Variants in RAD54B observed in about 807,000 individuals in gnomAD.
RAD54B encodes the protein DNA repair and recombination protein RAD54B.
RAD54B carries 78 observed loss-of-function variants against 95.8 expected under a neutral mutation model. That is an observed-to-expected ratio of 0.81 (90% CI 0.68 to 0.98). The LOEUF is 0.98. RAD54B is among the 50% of genes least tolerant of loss of function. The pLI, the probability that RAD54B is intolerant of heterozygous loss-of-function variation, is 0.00. For synonymous variants in RAD54B, 328 were observed against 354.9 expected, an observed-to-expected ratio of 0.92 and a Z score of 0.85; for missense variants, 957 against 1,056.6, an observed-to-expected ratio of 0.91 and a Z score of 1.31.
At position 94,400,407 on chromosome 8, in the gene RAD54B, A is replaced by C. The variant is rs752037673; in HGVS notation, c.1001T>G (p.Leu334Trp). ...LADEMGLGKTLQCISLIWTLQ... is the reference protein window; with the variant it reads ...LADEMGLGKTWQCISLIWTLQ... ...GGTCCAGATGAGCGAAATACATTGC[A>C]ATGTCTTCCCTAAACCCATTTCATC... Residue 334 changes from leucine (L) to tryptophan (W), a missense_variant, in exon 7 of 15, where the codon TTG becomes TGG. By Grantham distance (61) the Leu-to-Trp change is moderately conservative. Coordinates refer to ENST00000336148, the MANE Select transcript of RAD54B (RefSeq NM_012415.3). 3.1e-6 allele frequency: 5 copies of C among 1,613,614 alleles called. No homozygotes were observed. Among genetic ancestry groups the C allele is most frequent in the Admixed American group, 1.7e-5 (1 of 59,900 alleles).
At chr8:94,442,388 T>C (rs10105255) in intron 3 of RAD54B, among the ~76,000 whole-genome samples, 4,024 of 152,062 alleles carry the variant, frequency 0.026, 138 homozygotes, top group African/African-American at 0.083. Context: ...CTGGCTAACA[T>C]GGTGAAACCC....
chr8:94,464,458 G>A (rs1287982048), intron 2 of RAD54B, among the ~76,000 whole-genome samples: 2 of 152,162 alleles, frequency 1.3e-5, no homozygotes, highest in Non-Finnish European at 2.9e-5. Flanking sequence ...TTGAACTTTT[G>A]ACCTACAGAA....
chr8:94,469,874 A>G (rs947359056), intron 1 of RAD54B, among the ~76,000 whole-genome samples: 3 of 152,258 alleles, frequency 2.0e-5, no homozygotes, highest in Admixed American at 2.0e-4. Context: ...TTTTTAAAAT[A>G]TAAATCAAGA....
At chr8:94,381,197 C>G (rs1810730598) in intron 11 of RAD54B, among the ~76,000 whole-genome samples, 2 of 152,128 alleles carry the variant, frequency 1.3e-5, no homozygotes. Context: ...CTGCCAACTA[C>G]TAGAATACCA....
intron 4 of RAD54B, among the ~76,000 whole-genome samples, chr8:94,408,484 A>T (rs559966161): frequency 6.6e-6 from 1 of 152,292 alleles, no homozygotes; most frequent in African/African-American, 2.4e-5. Flanking sequence ...TGTGTATACC[A>T]GAAACTTTTA....
At chr8:94,443,882 T>C (rs1812457095) in intron 3 of RAD54B, among the ~76,000 whole-genome samples, 1 of 152,008 alleles carries the variant, frequency 6.6e-6, no homozygotes, top group African/African-American at 2.4e-5. Context: ...TCATTACACA[T>C]TGTATGCATA....
chr8:94,442,411 T>A (rs1812419716), intron 3 of RAD54B, among the ~76,000 whole-genome samples: 1 of 151,858 alleles, frequency 6.6e-6, no homozygotes. Flanking sequence ...TCTCTACTAC[T>A]AAAAATACAA....
At chr8:94,382,436 T>C (rs1339669217) in intron 11 of RAD54B, among the ~76,000 whole-genome samples, 4 of 152,108 alleles carry the variant, frequency 2.6e-5, no homozygotes, top group Admixed American at 2.6e-4. Flanking sequence ...ACAAGGGAAG[T>C]TGTCAGTCAA....
intron 3 of RAD54B, among the ~76,000 whole-genome samples, chr8:94,422,173 G>A (rs1001325905): frequency 1.3e-5 from 2 of 152,008 alleles, no homozygotes; most frequent in South Asian, 4.1e-4. Context: ...AACTTATAAA[G>A]TCCTGAGAGT....
intron 14 of RAD54B, among the ~76,000 whole-genome samples, chr8:94,373,636 C>A (rs1810493894): frequency 6.6e-6 from 1 of 152,162 alleles, no homozygotes; most frequent in South Asian, 2.1e-4. Context: ...ACCTGTTACA[C>A]AAATGAGAAA....
At chr8:94,437,508 C>A (rs1490515078) in intron 3 of RAD54B, among the ~76,000 whole-genome samples, 1 of 152,164 alleles carries the variant, frequency 6.6e-6, no homozygotes, top group Admixed American at 6.5e-5. Flanking sequence ...CACAGTAAAG[C>A]TAAGCTTCTC....
intron 1 of RAD54B, among the ~76,000 whole-genome samples, chr8:94,473,210 C>A (rs1813210096): frequency 6.6e-6 from 1 of 152,152 alleles, no homozygotes; most frequent in Non-Finnish European, 1.5e-5. Context: ...AGAAATAAAG[C>A]CATTTGGTAG....
At chr8:94,397,267 G>A (rs1811170162) in intron 8 of RAD54B, among the ~76,000 whole-genome samples, 1 of 152,040 alleles carries the variant, frequency 6.6e-6, no homozygotes, top group Admixed American at 6.6e-5. Context: ...TTCATAATAA[G>A]GAACAAATCA....
chr8:94,407,582 C>T lies in RAD54B; in HGVS notation c.638G>A (p.Gly213Glu), dbSNP rs1811423465. ...AGAAGAATGCGAGATAGCAGTACTT[C>T]CTCCTCCAAGCTGAAAACACCTGCC... ...SSGRCFQLGG[G>E]STAISHSSQV... Residue 213 changes from glycine (G) to glutamate (E), a missense_variant, in exon 5 of 15, where the codon GGA becomes GAA. By Grantham distance (98) the Gly-to-Glu change is moderately conservative. Transcript: ENST00000336148. The T allele has an allele frequency of 7.4e-6, 12 of 1,614,030 alleles. No individual in the cohort carries two copies. The highest frequency in any genetic ancestry group is 3.3e-4 in the Middle Eastern group (2 of 6,060).
intron 10 of RAD54B, among the ~76,000 whole-genome samples, chr8:94,390,730 T>A (rs1810998462): frequency 6.6e-6 from 1 of 151,806 alleles, no homozygotes; most frequent in Admixed American, 6.6e-5. Context: ...CACTTAGTGA[T>A]TGGTACAGGT....
intron 1 of RAD54B, among the ~76,000 whole-genome samples, chr8:94,473,994 G>A (rs1813231729): frequency 6.6e-6 from 1 of 152,204 alleles, no homozygotes; most frequent in Non-Finnish European, 1.5e-5. Flanking sequence ...GTAGATTAAG[G>A]TAAGTGTTCT....
intron 1 of RAD54B, 60 bp downstream of exon 1, chr8:94,474,941 T>G (rs990142774): frequency 6.6e-6 from 1 of 152,570 alleles, no homozygotes; most frequent in Non-Finnish European, 1.5e-5. Flanking sequence ...ACTCCCTGCT[T>G]TGTCCCGCAC....
intron 3 of RAD54B, among the ~76,000 whole-genome samples, chr8:94,422,648 AT>A (rs1563650815): frequency 2.8e-4 from 34 of 121,890 alleles, no homozygotes; most frequent in Non-Finnish European, 5.1e-4. Flanking sequence ...ATATATATAT[AT>A]ATATAAAATT....
intron 3 of RAD54B, among the ~76,000 whole-genome samples, chr8:94,450,087 A>G (rs1482180225): frequency 6.6e-6 from 1 of 152,212 alleles, no homozygotes; most frequent in Non-Finnish European, 1.5e-5. Context: ...AAAGAGCCCT[A>G]AAGGACAAAG....
Sources: allele counts gnomAD v4.1 joint callset (sites outside exome capture counted in the v4.1 genomes callset), GRCh38; gene constraint gnomAD v4.1.1; transcripts MANE v1.5; gene names NCBI Gene and HGNC (gene_info 2026-07-23, HGNC 2026-07-21).